CDH4: variants seen among roughly 807,000 people sequenced by gnomAD.
CDH4 encodes cadherin-4.
CDH4 carries 33 observed loss-of-function variants against 86.0 expected under a neutral mutation model. That is an observed-to-expected ratio of 0.38 (90% CI 0.29 to 0.51). The LOEUF is 0.51. CDH4 is among the 20% of genes least tolerant of loss of function. CDH4 has a pLI of 0.86. For missense variants in CDH4, 1,114 were observed against 1,307.4 expected (o/e 0.85, Z 2.28); for synonymous variants, 555 against 549.4 (o/e 1.01, Z -0.14).
chr20:61,817,478 G>A lies in CDH4; in HGVS notation c.577-27190G>A, dbSNP rs191951069. ...AAACACTCCTAGGCCCACACAAGAC[G>A]CGGAAAGCAACTTCTCGCTTTTTTT... On this transcript the variant is annotated intron_variant, in intron 4 of 15. Transcript: ENST00000614565. 2.0e-3 allele frequency among the ~76,000 whole-genome samples: 298 copies of A among 152,280 alleles called. 2 individuals carry two copies. The highest frequency in any genetic ancestry group is 7.0e-3 in the African/African-American group (290 of 41,552).
Position 61,420,398 on chromosome 20 carries a change from A to G in CDH4, c.169+165461A>G, listed in dbSNP as rs190059238. Among the ~76,000 whole-genome samples the G allele has an allele frequency of 3.9e-3, 600 of 152,344 alleles. 4 individuals are homozygous for G. The highest frequency in any genetic ancestry group is 0.013 in the African/African-American group (545 of 41,584). On this transcript the variant is annotated intron_variant, in intron 2 of 15. Coordinates refer to ENST00000614565, the MANE Select transcript of CDH4 (RefSeq NM_001794.5). ...AAAGGGTGCAGGAAGGAAAGATGCC[A>G]TCTCCAGCCAGAGGCTTCCAAGTGC...
At chr20:61,912,639 G>A (rs2054862055) in intron 9 of CDH4, among the ~76,000 whole-genome samples, 1 of 152,168 alleles carries the variant, frequency 6.6e-6, no homozygotes, top group Admixed American at 6.5e-5. Flanking sequence ...CCCTAACTCT[G>A]TATAAGCTTT....
intron 2 of CDH4, among the ~76,000 whole-genome samples, chr20:61,656,309 G>A (rs1332444307): frequency 1.6e-4 from 20 of 124,480 alleles, no homozygotes; most frequent in Admixed American, 6.3e-4. Flanking sequence ...GGGTAGGCAC[G>A]TGCTGAAGTG....
At chr20:61,355,703 C>CTG (rs145858790) in intron 2 of CDH4, among the ~76,000 whole-genome samples, 7 of 151,958 alleles carry the variant, frequency 4.6e-5, no homozygotes, top group East Asian at 3.9e-4. Context: ...ACATGCACAC[C>CTG]TGTGTGTGTG....
At chr20:61,749,115 A>G (rs1281154068) in intron 3 of CDH4, among the ~76,000 whole-genome samples, 2 of 152,226 alleles carry the variant, frequency 1.3e-5, no homozygotes, top group Non-Finnish European at 2.9e-5. Flanking sequence ...AATCTGAGGA[A>G]AAAGCATTCT....
At chr20:61,627,399 G>A (rs1019636989) in intron 2 of CDH4, among the ~76,000 whole-genome samples, 13 of 152,132 alleles carry the variant, frequency 8.5e-5, no homozygotes, top group African/African-American at 1.4e-4. Flanking sequence ...GACGTTCTCC[G>A]CTCATTGGCT....
intron 2 of CDH4, among the ~76,000 whole-genome samples, chr20:61,674,930 G>A (rs570911066): frequency 6.6e-6 from 1 of 152,322 alleles, no homozygotes; most frequent in Admixed American, 6.5e-5. Context: ...TGTACGTATT[G>A]TCTGTGGCTG....
In CDH4 at chr20:61,817,289, C is replaced by T. The variant is rs765086430; in HGVS notation, c.577-27379C>T. 5.3e-4 allele frequency among the ~76,000 whole-genome samples: 80 copies of T among 152,260 alleles called. 1 individual carries two copies. Among genetic ancestry groups the T allele is most frequent in the Non-Finnish European group, 1.0e-3 (70 of 68,014 alleles). ...GAGTGCCCCTCACCGGGCCCAGCCC[C>T]GCTAGGTCCCGGGCTGCACCCAGCT... On this transcript the variant is annotated intron_variant, in intron 4 of 15. Coordinates refer to ENST00000614565, the MANE Select transcript of CDH4 (RefSeq NM_001794.5).
chr20:61,889,524 G>A (rs1466014235), intron 7 of CDH4, among the ~76,000 whole-genome samples: 1 of 151,694 alleles, frequency 6.6e-6, no homozygotes, highest in Non-Finnish European at 1.5e-5. Context: ...ATGGATGATG[G>A]ATGAGTAAGT....
At chr20:61,764,779 C>T (rs904291128) in intron 3 of CDH4, among the ~76,000 whole-genome samples, 5 of 152,200 alleles carry the variant, frequency 3.3e-5, no homozygotes, top group African/African-American at 4.8e-5. Context: ...CCACTGCTGC[C>T]CACATCCCAG....
rs144686739 is a variant in CDH4 at position 61,345,276 on chromosome 20, C to T, written c.169+90339C>T. ...CCCAGGGAAATCGAGAGTGACAACA[C>T]GCCATGTTCTTCTCTACTTTCTCAC... is the stretch of plus-strand genomic sequence containing the variant. On this transcript the variant is annotated intron_variant, in intron 2 of 15. Transcript: ENST00000614565. Among the ~76,000 whole-genome samples the T allele has an allele frequency of 7.1e-3, 1,087 of 152,306 alleles. 17 individuals are homozygous for T. The highest frequency in any genetic ancestry group is 0.025 in the African/African-American group (1,051 of 41,566).
At position 61,480,408 on chromosome 20, in the gene CDH4, C is replaced by T. The variant is rs2085562337; in HGVS notation, c.169+225471C>T. Among the ~76,000 whole-genome samples the T allele has an allele frequency of 1.3e-5, 2 of 152,254 alleles. No homozygotes were observed. Among genetic ancestry groups the T allele is most frequent in the South Asian group, 4.1e-4 (2 of 4,836 alleles). ...TGTTCCAAGGTGGGTGGTGGATACA[C>T]AGTCCCTGCCACGCCATCTCTGGGA... On this transcript the variant is annotated intron_variant, in intron 2 of 15. Transcript: ENST00000614565. The surrounding 1 kb of genome is among the most constrained non-coding windows in gnomAD (Gnocchi z 5.2).
chr20:61,566,798 C>G (rs1264480421), intron 2 of CDH4, among the ~76,000 whole-genome samples: 1 of 152,208 alleles, frequency 6.6e-6, no homozygotes, highest in Non-Finnish European at 1.5e-5. Flanking sequence ...CCGAGACACT[C>G]AACAGCTCGC....
At chr20:61,874,846 G>A (rs991673568) in intron 7 of CDH4, among the ~76,000 whole-genome samples, 1 of 152,220 alleles carries the variant, frequency 6.6e-6, no homozygotes, top group African/African-American at 2.4e-5. Flanking sequence ...CACCTCGCTG[G>A]GCTCACAGCC....
chr20:61,445,276 G>C (rs886530997), intron 2 of CDH4, among the ~76,000 whole-genome samples: 2 of 152,148 alleles, frequency 1.3e-5, no homozygotes, highest in Non-Finnish European at 2.9e-5. Flanking sequence ...CCTGTGGAGA[G>C]CCAGGCAGGG....
At chr20:61,691,848 T>G (rs2087659012) in intron 2 of CDH4, among the ~76,000 whole-genome samples, 1 of 152,064 alleles carries the variant, frequency 6.6e-6, no homozygotes, top group Non-Finnish European at 1.5e-5. Context: ...ACGCAGCACA[T>G]GACTGTGTAT....
intron 2 of CDH4, among the ~76,000 whole-genome samples, chr20:61,292,690 G>A (rs541649817): frequency 6.0e-4 from 91 of 152,382 alleles, no homozygotes; most frequent in African/African-American, 1.9e-3. Context: ...GACGCACAGC[G>A]CACTCACGCC....
chr20:61,372,714 C>T (rs904865751), intron 2 of CDH4, among the ~76,000 whole-genome samples: 3 of 152,192 alleles, frequency 2.0e-5, no homozygotes, highest in Non-Finnish European at 2.9e-5. Context: ...CCCCCACCCA[C>T]GTGCCAGCCG....
At chr20:61,895,679 C>A (rs986291109) in intron 8 of CDH4, among the ~76,000 whole-genome samples, 5 of 152,228 alleles carry the variant, frequency 3.3e-5, no homozygotes, top group African/African-American at 1.2e-4. Context: ...CCAGGAGGGA[C>A]CCTTCCCTTG....
Sources: gnomAD v4.1 joint callset for allele counts (sites outside exome capture counted in the v4.1 genomes callset) on GRCh38, gnomAD v4.1.1 for gene constraint, Gnocchi (gnomAD v3.1) non-coding constraint, MANE v1.5 for transcripts, NCBI Gene and HGNC (gene_info 2026-07-23, HGNC 2026-07-21) for gene names.